The following ZNF804B variants were observed in gnomAD, a reference collection of about 807,000 sequenced individuals.
The protein encoded by ZNF804B is zinc finger 804B.
Under a neutral mutation model 101.4 loss-of-function variants are expected in ZNF804B, and 80 were observed. The observed-to-expected ratio is 0.79, with a 90% CI of 0.66 to 0.95. The LOEUF (loss-of-function observed/expected upper bound fraction) is 0.95, where lower values mean the gene tolerates loss of function less well. Ranked by LOEUF, ZNF804B falls within the 40% of genes least tolerant of loss-of-function variation. ZNF804B has a pLI of 0.00. For missense variants in ZNF804B, 1,673 were observed against 1,561.9 expected (o/e 1.07, Z -1.20); for synonymous variants, 622 against 558.8 (o/e 1.11, Z -1.59).
At chr7:88,949,064 A>G (rs776985077) in intron 1 of ZNF804B, among the ~76,000 whole-genome samples, 2 of 151,646 alleles carry the variant, frequency 1.3e-5, no homozygotes, top group Non-Finnish European at 2.9e-5. Flanking sequence ...AACGTCATAC[A>G]TATTTTGATT....
In ZNF804B at chr7:89,128,619, G is replaced by A. The variant is rs1459026819; in HGVS notation, c.109-89536G>A. ...TATGTTTATCAGCCATTCTTTTGCT[G>A]TGTGTGAAATATGTTAATTTCTATT... is the stretch of plus-strand genomic sequence containing the variant. On this transcript the variant is annotated intron_variant, in intron 1 of 3. Coordinates refer to ENST00000333190, the MANE Select transcript of ZNF804B (RefSeq NM_181646.5). Among the ~76,000 whole-genome samples, 9 of 151,872 alleles carry A rather than the reference G, an allele frequency of 5.9e-5. 1 individual carries two copies. The highest frequency in any genetic ancestry group is 5.9e-4 in the Admixed American group (9 of 15,206).
At chr7:89,319,693 C>T (rs558262688) in intron 2 of ZNF804B, among the ~76,000 whole-genome samples, 1 of 152,288 alleles carries the variant, frequency 6.6e-6, no homozygotes, top group African/African-American at 2.4e-5. Flanking sequence ...ATAGAAAGTA[C>T]TTCTGTGATG....
chr7:88,898,924 G>A (rs1217681196), intron 1 of ZNF804B, among the ~76,000 whole-genome samples: 2 of 152,208 alleles, frequency 1.3e-5, no homozygotes, highest in Non-Finnish European at 1.5e-5. Flanking sequence ...AAGACAGAGC[G>A]GTGGGTCCTG....
At chr7:89,256,945 CT>C (rs1280065333) in intron 2 of ZNF804B, among the ~76,000 whole-genome samples, 5 of 152,080 alleles carry the variant, frequency 3.3e-5, no homozygotes. Flanking sequence ...ATGTTTAATA[CT>C]TTTCATTTAT....
chr7:88,871,824 C>T (rs1033280308), intron 1 of ZNF804B, among the ~76,000 whole-genome samples: 7 of 151,938 alleles, frequency 4.6e-5, no homozygotes, highest in Admixed American at 6.6e-5. Flanking sequence ...AAAAGTTAGC[C>T]GGGCGTGGTG....
intron 2 of ZNF804B, among the ~76,000 whole-genome samples, chr7:89,301,711 AGTT>A (rs1790477398): frequency 6.6e-6 from 1 of 151,900 alleles, no homozygotes; most frequent in Non-Finnish European, 1.5e-5. Flanking sequence ...AATGCATAGT[AGTT>A]AAGAAAATTA....
intron 1 of ZNF804B, among the ~76,000 whole-genome samples, chr7:88,846,805 T>C (rs181161595): frequency 6.6e-6 from 1 of 152,196 alleles, no homozygotes; most frequent in East Asian, 1.9e-4. Flanking sequence ...TGTATATATG[T>C]CTACATGTGA....
rs573443586 is a variant in ZNF804B at position 89,154,941 on chromosome 7, A to T, written c.109-63214A>T. On this transcript the variant is annotated intron_variant, in intron 1 of 3. Transcript: ENST00000333190. ...ACACAAAGGATAAATGCTTGAGAGG[A>T]TGGATACCCATTTCCCATGATGCGA... Among the ~76,000 whole-genome samples, 27 of 152,106 alleles carry T rather than the reference A, an allele frequency of 1.8e-4. 1 individual carries two copies. The South Asian group carries it at 5.2e-3, about 29-fold the overall frequency.
intron 1 of ZNF804B, among the ~76,000 whole-genome samples, chr7:88,818,121 T>C (rs1381399892): frequency 6.6e-6 from 1 of 152,178 alleles, no homozygotes; most frequent in Non-Finnish European, 1.5e-5. Context: ...GAAAAGAAAT[T>C]GTCCCTGGAA....
chr7:88,883,971 T>G (rs1373345358), intron 1 of ZNF804B, among the ~76,000 whole-genome samples: 1 of 152,048 alleles, frequency 6.6e-6, no homozygotes, highest in Non-Finnish European at 1.5e-5. Context: ...AATCACATTA[T>G]AGATTACAGA....
At chr7:88,902,195 A>G (rs1792402270) in intron 1 of ZNF804B, among the ~76,000 whole-genome samples, 1 of 151,898 alleles carries the variant, frequency 6.6e-6, no homozygotes, top group South Asian at 2.1e-4. Flanking sequence ...TTTCATTTTG[A>G]TTTTTTAGAG....
intron 1 of ZNF804B, among the ~76,000 whole-genome samples, chr7:89,008,808 T>TAC (rs1298424155): frequency 1.3e-5 from 2 of 152,182 alleles, no homozygotes; most frequent in African/African-American, 4.8e-5. Flanking sequence ...AGTAGACCCT[T>TAC]ACACTCTATC....
chr7:89,129,636 T>C (rs1790517844), intron 1 of ZNF804B, among the ~76,000 whole-genome samples: 1 of 152,022 alleles, frequency 6.6e-6, no homozygotes, highest in Non-Finnish European at 1.5e-5. Flanking sequence ...TCTAAATTTA[T>C]TAACCCCTCA....
chr7:88,956,001 A>G (rs1253542469), intron 1 of ZNF804B, among the ~76,000 whole-genome samples: 1 of 151,696 alleles, frequency 6.6e-6, no homozygotes, highest in Non-Finnish European at 1.5e-5. Context: ...AACATCATAC[A>G]TCATCAGGAA....
chr7:89,271,327 T>TGTG (rs1269179722), intron 2 of ZNF804B, among the ~76,000 whole-genome samples: 1 of 152,282 alleles, frequency 6.6e-6, no homozygotes, highest in East Asian at 1.9e-4. Flanking sequence ...GAGATAATCA[T>TGTG]GTGGTTTTTG....
intron 1 of ZNF804B, among the ~76,000 whole-genome samples, chr7:89,084,311 A>T (rs1294206045): frequency 3.9e-5 from 6 of 151,928 alleles, no homozygotes; most frequent in Admixed American, 3.9e-4. Context: ...TTGAATTTCA[A>T]GAGAAAGCTC....
chr7:89,117,334 A>AAAACTATAG (rs1790326132), intron 1 of ZNF804B, among the ~76,000 whole-genome samples: 1 of 152,236 alleles, frequency 6.6e-6, no homozygotes, highest in African/African-American at 2.4e-5. Flanking sequence ...ATGTATACAG[A>AAAACTATAG]AAACTATAGT....
intron 1 of ZNF804B, among the ~76,000 whole-genome samples, chr7:88,853,243 G>A (rs1791472240): frequency 6.6e-6 from 1 of 152,154 alleles, no homozygotes; most frequent in Admixed American, 6.6e-5. Flanking sequence ...TCTGGGACAA[G>A]CTTAAGTAGT....
chr7:88,872,317 C>T (rs566171242), intron 1 of ZNF804B, among the ~76,000 whole-genome samples: 1 of 151,880 alleles, frequency 6.6e-6, no homozygotes, highest in South Asian at 2.1e-4. Context: ...CTTGGGAGGC[C>T]AAGGCAGGAA....
Sources: gnomAD v4.1 joint callset for allele counts (sites outside exome capture counted in the v4.1 genomes callset) on GRCh38, gnomAD v4.1.1 for gene constraint, MANE v1.5 for transcripts, NCBI Gene and HGNC (gene_info 2026-07-23, HGNC 2026-07-21) for gene names.